Variants in CNTNAP2 observed in about 807,000 individuals in gnomAD.
CNTNAP2 encodes contactin associated protein 2.
In CNTNAP2, 98 loss-of-function variants were observed where a neutral mutation model predicts 155.2. The observed-to-expected ratio is 0.63, with a 90% confidence interval of 0.54 to 0.75. The LOEUF is 0.75. Ranked by LOEUF, CNTNAP2 falls within the 30% of genes least tolerant of loss-of-function variation. CNTNAP2 has a pLI of 0.00. For missense variants in CNTNAP2, 1,727 were observed against 1,688.1 expected, an observed-to-expected ratio of 1.02 and a Z score of -0.40; for synonymous variants, 651 against 631.2, an observed-to-expected ratio of 1.03 and a Z score of -0.47.
intron 1 of CNTNAP2, among the ~76,000 whole-genome samples, chr7:146,239,343 T>C (rs187336611): frequency 7.2e-5 from 11 of 152,276 alleles, no homozygotes; most frequent in African/African-American, 2.4e-4. Flanking sequence ...ATTCCGTGGA[T>C]AAAAAGCAAA....
chr7:148,267,305 A>G (rs1237339942), intron 21 of CNTNAP2, among the ~76,000 whole-genome samples, 179 bp downstream of exon 21: 2 of 152,102 alleles, frequency 1.3e-5, no homozygotes, highest in Non-Finnish European at 2.9e-5. Flanking sequence ...TCAACAAATT[A>G]TCTTTGGGGG....
rs1353831804 is a variant in CNTNAP2, at chr7:147,276,106, T to C, written c.1349-24035T>C. Among the ~76,000 whole-genome samples, 3 of 152,112 alleles carry C rather than the reference T, an allele frequency of 2.0e-5. No homozygotes were observed. The East Asian group carries it at 5.8e-4, about 29-fold the overall frequency. ...TGCATGTGTGTTTTTGCATGCAATA[T>C]CCCAGCATCAGGGATGTTGACTTGT... On this transcript the variant is annotated intron_variant, in intron 8 of 23. Transcript: ENST00000361727.
intron 1 of CNTNAP2, among the ~76,000 whole-genome samples, chr7:146,510,306 C>G (rs1797447299): frequency 6.6e-6 from 1 of 152,202 alleles, no homozygotes; most frequent in Admixed American, 6.5e-5. Flanking sequence ...GCACTCCAAA[C>G]CTGCTGTGTC....
intron 1 of CNTNAP2, among the ~76,000 whole-genome samples, chr7:146,571,932 C>T (rs1384015154): frequency 6.6e-6 from 1 of 152,084 alleles, no homozygotes; most frequent in African/African-American, 2.4e-5. Flanking sequence ...AGGGTTTCAC[C>T]GTTTTGGCCA....
At chr7:147,434,103 C>T (rs765946105) in intron 10 of CNTNAP2, among the ~76,000 whole-genome samples, 54 of 152,260 alleles carry the variant, frequency 3.5e-4, no homozygotes, top group Admixed American at 2.8e-3. Context: ...TAGAACTGAG[C>T]ATAGAAAGTG....
chr7:147,666,367 CGTAGCT>C (rs2116959591), intron 13 of CNTNAP2, among the ~76,000 whole-genome samples: 1 of 152,250 alleles, frequency 6.6e-6, no homozygotes, highest in South Asian at 2.1e-4. Context: ...TCCCAGCTGT[CGTAGCT>C]GTAGCCCACC....
At chr7:147,236,879 A>G (rs1212329839) in intron 8 of CNTNAP2, among the ~76,000 whole-genome samples, 8 of 151,974 alleles carry the variant, frequency 5.3e-5, no homozygotes, top group African/African-American at 1.9e-4. Flanking sequence ...CCACAATGCT[A>G]AAGACTGATG....
intron 14 of CNTNAP2, among the ~76,000 whole-genome samples, chr7:147,941,913 A>C (rs551299396): frequency 6.6e-6 from 1 of 152,330 alleles, no homozygotes; most frequent in East Asian, 1.9e-4. Context: ...CTATACCGAC[A>C]TATTTAAAGT....
chr7:146,124,952 C>A (rs1045686976), intron 1 of CNTNAP2, among the ~76,000 whole-genome samples: 1 of 152,096 alleles, frequency 6.6e-6, no homozygotes, highest in Admixed American at 6.5e-5. Context: ...CAATATAAAA[C>A]TTTACTTTTT....
intron 7 of CNTNAP2, among the ~76,000 whole-genome samples, chr7:147,131,784 T>C (rs1283082458): frequency 6.6e-6 from 1 of 152,086 alleles, no homozygotes; most frequent in Admixed American, 6.6e-5. Flanking sequence ...TGCAAACATA[T>C]GACCATAGTC....
Position 148,300,100 on chromosome 7 carries a change from G to C in CNTNAP2, c.3475+32974G>C, listed in dbSNP as rs572071261. Among the ~76,000 whole-genome samples, 3 of 152,306 alleles carry C rather than the reference G, an allele frequency of 2.0e-5. No individual in the cohort carries two copies. In the East Asian group the frequency reaches 5.8e-4, roughly 29 times the overall value. On this transcript the variant is annotated intron_variant, in intron 21 of 23. Coordinates refer to ENST00000361727, the MANE Select transcript of CNTNAP2 (RefSeq NM_014141.6). ...AGAAAGGGCGTATGGAAATGGAAAA[G>C]GGAAAGCTGCTCCTAGTGTTTTTGC...
In CNTNAP2 at chr7:146,935,079, A is replaced by G. The variant is rs563678729; in HGVS notation, c.402+95175A>G. Among the ~76,000 whole-genome samples the G allele has an allele frequency of 1.1e-4, 17 of 152,338 alleles. No individual in the cohort carries two copies. The South Asian group carries it at 3.5e-3, about 32-fold the overall frequency. On this transcript the variant is annotated intron_variant, in intron 3 of 23. Coordinates refer to ENST00000361727, the MANE Select transcript of CNTNAP2 (RefSeq NM_014141.6). ...TTTCACAATTGAGAGGCGTCCCTCCACATTCTTGGAACTGTGCACCCATTG... is the reference window on the plus strand; with the variant it reads ...TTTCACAATTGAGAGGCGTCCCTCCGCATTCTTGGAACTGTGCACCCATTG...
At chr7:146,464,248 C>T (rs559456438) in intron 1 of CNTNAP2, among the ~76,000 whole-genome samples, 45 of 131,694 alleles carry the variant, frequency 3.4e-4, no homozygotes, top group South Asian at 2.2e-3. Context: ...CAAATGAAAC[C>T]GCAAAAACCC....
chr7:148,338,195 T>C (rs1435950654), intron 21 of CNTNAP2, among the ~76,000 whole-genome samples: 3 of 152,248 alleles, frequency 2.0e-5, no homozygotes, highest in African/African-American at 7.2e-5. Context: ...TACAATATGC[T>C]GATGTGAGCA....
rs142769678 is a variant in CNTNAP2, at chr7:146,494,320, C to T, written c.98-279951C>T. Among the ~76,000 whole-genome samples the T allele has an allele frequency of 9.5e-3, 1,418 of 149,732 alleles. 71 individuals carry two copies. The highest frequency in any genetic ancestry group is 0.081 in the Admixed American group (1,214 of 15,002). On this transcript the variant is annotated intron_variant, in intron 1 of 23. Coordinates refer to ENST00000361727, the MANE Select transcript of CNTNAP2 (RefSeq NM_014141.6). ...CTGCACTCCAGCCTGGGCCACAGAG[C>T]GAGACTCTATGTCTCAAAAAAAATA...
At chr7:146,673,025 T>C (rs555441586) in intron 1 of CNTNAP2, among the ~76,000 whole-genome samples, 1 of 152,276 alleles carries the variant, frequency 6.6e-6, no homozygotes, top group African/African-American at 2.4e-5. Flanking sequence ...AAATTCTTCC[T>C]GGTTGGTTTA....
chr7:146,424,880 A>C (rs1344915259), intron 1 of CNTNAP2, among the ~76,000 whole-genome samples: 1 of 152,226 alleles, frequency 6.6e-6, no homozygotes, highest in East Asian at 1.9e-4. Flanking sequence ...CTATGTAGTC[A>C]TTAAAACACT....
intron 13 of CNTNAP2, among the ~76,000 whole-genome samples, chr7:147,805,654 A>C (rs1798079293): frequency 1.3e-5 from 2 of 152,124 alleles, no homozygotes; most frequent in Admixed American, 1.3e-4. Context: ...GGTTTTATCA[A>C]ATGCTTTTTC....
intron 1 of CNTNAP2, among the ~76,000 whole-genome samples, chr7:146,149,105 C>T (rs1318658938): frequency 6.6e-6 from 1 of 151,908 alleles, no homozygotes; most frequent in Admixed American, 6.6e-5. Flanking sequence ...GGGTGCAGCA[C>T]ACCAACATGG....
Sources: gnomAD v4.1 joint callset for allele counts (sites outside exome capture counted in the v4.1 genomes callset) on GRCh38, gnomAD v4.1.1 for gene constraint, MANE v1.5 for transcripts, NCBI Gene and HGNC (gene_info 2026-07-23, HGNC 2026-07-21) for gene names.